The following ACCS variants were observed in gnomAD, a reference collection of about 807,000 sequenced individuals.
ACCS encodes 1-aminocyclopropane-1-carboxylate synthase homolog (inactive).
ACCS carries 42 observed loss-of-function variants against 59.8 expected under a neutral mutation model. That is an observed-to-expected ratio of 0.70 (90% CI 0.55 to 0.91). ACCS has a LOEUF of 0.91. Among genes scored for constraint, ACCS ranks in the 40% least tolerant of loss-of-function variants. The pLI is 0.00. For missense variants in ACCS, 602 were observed against 630.4 expected (o/e 0.95, Z 0.48); for synonymous variants, 230 against 240.3 (o/e 0.96, Z 0.40).
intron 7 of ACCS, 163 bp downstream of exon 7, chr11:44,077,539 G>A: frequency 6.9e-7 from 1 of 1,452,384 alleles, no homozygotes; most frequent in Non-Finnish European, 9.0e-7. Context: ...GTTCCCCAGT[G>A]GCTCCAAAGT....
In ACCS at chr11:44,067,927, T is replaced by C; in HGVS notation, c.288+12T>C. 1 of 1,582,638 alleles carries C rather than the reference T, an allele frequency of 6.3e-7. No homozygotes were observed. The highest frequency in any genetic ancestry group is 8.6e-7 in the Non-Finnish European group (1 of 1,164,986). Reference sequence around the variant, plus strand: ...ACAAGAACCCCAGTGTGAGTGAAGCTCCCCTCCCACTGGGACCCAAGAGAG... The same window carrying C: ...ACAAGAACCCCAGTGTGAGTGAAGCCCCCCTCCCACTGGGACCCAAGAGAG... On this transcript the variant is annotated intron_variant, in intron 2 of 14. Transcript: ENST00000263776.
intron 6 of ACCS, among the ~76,000 whole-genome samples, chr11:44,076,331 G>T (rs1295136114): frequency 1.3e-5 from 2 of 152,158 alleles, no homozygotes; most frequent in Admixed American, 1.3e-4. Context: ...TGTGTTCCAG[G>T]GATTAGCCTA....
rs1453817137 is a variant in ACCS, at chr11:44,077,294, C to T, written c.572C>T (p.Pro191Leu). ...CTGCCCCCAGAGGCTTTCCTGATCC[C>T]CACCCCTTACTATGGCGCTATCACA... ...LCEAGEAFLI[P>L]TPYYGAITQH... The change falls in exon 7 of 15, where the codon CCC becomes CTC. Residue 191 changes from proline to leucine, a missense_variant. Transcript: ENST00000263776. The T allele has an allele frequency of 1.2e-6, 2 of 1,613,988 alleles. No homozygotes were observed. The highest frequency in any genetic ancestry group is 2.7e-5 in the African/African-American group (2 of 74,926).
intron 7 of ACCS, 144 bp downstream of exon 7, chr11:44,077,520 T>C: frequency 6.8e-7 from 1 of 1,465,742 alleles, no homozygotes. Flanking sequence ...CATGGCTGCC[T>C]GTGCCTGGGT....
At chr11:44,067,091 G>T (rs1341500445) in intron 1 of ACCS, 1 of 156,024 alleles carries the variant, frequency 6.4e-6, no homozygotes, top group African/African-American at 2.4e-5. Flanking sequence ...GTTTCTTCAG[G>T]ACTGAAGAGG....
At chr11:44,077,605 C>T in intron 7 of ACCS, 6 of 1,435,926 alleles carry the variant, frequency 4.2e-6, no homozygotes, top group South Asian at 1.5e-5. Context: ...GACCCAGAAA[C>T]AGCAAGGTAG....
In ACCS at chr11:44,079,569, T is replaced by C; in HGVS notation, c.872T>C (p.Leu291Pro). The C allele has an allele frequency of 6.2e-7, 1 of 1,612,410 alleles. No homozygotes were observed. Residue 291 changes from leucine (L) to proline (P), a missense_variant, in exon 10 of 15, where the codon CTG (leucine) becomes CCG (proline). Physicochemically the swap from Leu to Pro is moderately conservative, Grantham distance 98. Transcript: ENST00000263776. ...GTGATTGTGGATGAGGTCTACATGC[T>C]GTCCGTGTTTGAGAAGTCTGTTGGG... ...LHVIVDEVYM[L>P]SVFEKSVGYR...
chr11:44,078,799 A>G lies in ACCS; in HGVS notation c.833+15A>G. 2 of 1,610,554 alleles carry G rather than the reference A, an allele frequency of 1.2e-6. No homozygotes were observed. Among genetic ancestry groups the G allele is most frequent in the South Asian group, 1.1e-5 (1 of 90,892 alleles). Reference sequence around the variant, plus strand: ...TTTGCCAAGAGGTGAGGCACCCCACACTGGCCCCGACAGAGCGTCTGGGCA... The same window carrying G: ...TTTGCCAAGAGGTGAGGCACCCCACGCTGGCCCCGACAGAGCGTCTGGGCA... On this transcript the variant is annotated intron_variant, in intron 9 of 14. Coordinates refer to ENST00000263776, the MANE Select transcript of ACCS (RefSeq NM_032592.4).
At chr11:44,078,577 C>G (rs571522906) in intron 8 of ACCS, 107 bp from the exon 9 acceptor site, 16 of 797,290 alleles carry the variant, frequency 2.0e-5, no homozygotes, top group African/African-American at 3.5e-5. Context: ...ATGAACATGT[C>G]CCCCTCAAAT....
At chr11:44,078,885 C>T in intron 9 of ACCS, 101 bp downstream of exon 9, 1 of 945,358 alleles carries the variant, frequency 1.1e-6, no homozygotes, top group Non-Finnish European at 1.6e-6. Flanking sequence ...CCACTGTGGG[C>T]TGCTACTTGC....
chr11:44,072,139 G>A (rs964084605), intron 3 of ACCS: 1 of 87,004 alleles, frequency 1.1e-5, no homozygotes, highest in African/African-American at 4.1e-5. Context: ...AGGGGTTATA[G>A]GGAATAGATT....
intron 8 of ACCS, chr11:44,078,124 C>T: frequency 3.3e-6 from 2 of 613,562 alleles, no homozygotes; most frequent in Non-Finnish European, 5.5e-6. Context: ...AAAACAGACT[C>T]TCAGACCTCA....
chr11:44,083,191 G>A lies in ACCS; in HGVS notation c.1134G>A (p.Leu378=). 6.2e-7 allele frequency: 1 copy of A among 1,614,204 alleles called. No homozygotes were observed. Among genetic ancestry groups the A allele is most frequent in the Non-Finnish European group, 8.5e-7 (1 of 1,180,042 alleles). The change falls in exon 13 of 15, where the codon CTG becomes CTA. Residue 378 remains leucine (L), a synonymous_variant. Coordinates refer to ENST00000263776, the MANE Select transcript of ACCS (RefSeq NM_032592.4). ...CAGACTGGATCAACCAGGTGTACCT[G>A]CCGGAAAACCATGCCCGGCTCAAGG... ...RDRDWINQVY[L]PENHARLKAA...
At chr11:44,075,694 C>T in intron 6 of ACCS, 102 bp downstream of exon 6, 1 of 1,382,048 alleles carries the variant, frequency 7.2e-7, no homozygotes, top group African/African-American at 1.4e-5. Context: ...CTTTCGGGCA[C>T]AATAGAATAT....
chr11:44,082,112 A>C (rs904681812), intron 12 of ACCS: 1 of 152,222 alleles, frequency 6.6e-6, no homozygotes, highest in Non-Finnish European at 1.5e-5. Flanking sequence ...ATAGTAGCTA[A>C]AAGTTTTAAA....
At chr11:44,069,116 G>A (rs1270117951) in intron 2 of ACCS, among the ~76,000 whole-genome samples, 2 of 152,188 alleles carry the variant, frequency 1.3e-5, no homozygotes, top group Non-Finnish European at 2.9e-5. Flanking sequence ...ATCTATTGTT[G>A]CATAACAAAT....
In ACCS at chr11:44,067,660, TC is replaced by T. The variant is rs1952853686; in HGVS notation, c.36del (p.Thr13ProfsTer43). 1 of 1,613,144 alleles carries T rather than the reference TC, an allele frequency of 6.2e-7. No individual in the cohort carries two copies. ...FTLPQKDFRA[P>X]TTCLGPTCMQ... is the part of the protein sequence containing the mutation. ...CCCTTCCTCAAAAGGACTTCAGGGCTCCCACCACCTGTCTGGGCCCCACCTG... is the reference window on the plus strand; with the variant it reads ...CCCTTCCTCAAAAGGACTTCAGGGCTCCACCACCTGTCTGGGCCCCACCTG... On this transcript the variant is annotated frameshift_variant, in exon 2 of 15. Coordinates refer to ENST00000263776, the MANE Select transcript of ACCS (RefSeq NM_032592.4). LOFTEE classifies it high-confidence loss of function.
At chr11:44,070,207 TGTG>T (rs1952986537) in intron 2 of ACCS, among the ~76,000 whole-genome samples, 2 of 152,048 alleles carry the variant, frequency 1.3e-5, no homozygotes, top group Non-Finnish European at 2.9e-5. Context: ...GGAGGAGCAG[TGTG>T]GTCTGAATTT....
Position 44,084,150 on chromosome 11 carries a change from T to C in ACCS, c.*358T>C. 1 of 213,016 alleles carries C rather than the reference T, an allele frequency of 4.7e-6. No homozygotes were observed. The highest frequency in any genetic ancestry group is 9.4e-6 in the Non-Finnish European group (1 of 106,300). The allele number at this position is 213,016 out of a possible 1,614,324, so 13.2% of individuals were successfully genotyped here. On this transcript the variant is annotated 3_prime_UTR_variant, in exon 15 of 15. Transcript: ENST00000263776. ...TTCTTTCTGATATCACCGTCATTCC[T>C]CTTTCTTTGTCACCAAGGAAACGAG... is the stretch of plus-strand genomic sequence containing the variant.
Sources: gnomAD v4.1 joint callset for allele counts (sites outside exome capture counted in the v4.1 genomes callset) on GRCh38, gnomAD v4.1.1 for gene constraint, MANE v1.5 for transcripts, NCBI Gene and HGNC (gene_info 2026-07-23, HGNC 2026-07-21) for gene names.